MGAM: variants seen among roughly 807,000 people sequenced by gnomAD.
MGAM encodes maltase-glucoamylase.
A neutral mutation model predicts 358.8 loss-of-function variants in MGAM; 253 were observed. That is an observed-to-expected ratio of 0.71 (90% CI 0.64 to 0.78). The LOEUF (loss-of-function observed/expected upper bound fraction) is 0.78, where lower values mean the gene tolerates loss of function less well. Among genes scored for constraint, MGAM ranks in the 30% least tolerant of loss-of-function variants. MGAM has a pLI of 0.00. For synonymous variants in MGAM, 1,105 were observed against 1,227.1 expected, an observed-to-expected ratio of 0.90 and a Z score of 2.08; for missense variants, 3,080 against 3,432.6, an observed-to-expected ratio of 0.90 and a Z score of 2.57.
chr7:142,058,535 C>T (rs1811784023), intron 31 of MGAM, among the ~76,000 whole-genome samples: 2 of 152,254 alleles, frequency 1.3e-5, no homozygotes, highest in African/African-American at 2.4e-5. Context: ...CCCAGCATGA[C>T]TCGCCAGAGT....
chr7:142,011,396 G>A (rs1554454302), intron 3 of MGAM, among the ~76,000 whole-genome samples: 1 of 152,144 alleles, frequency 6.6e-6, no homozygotes, highest in Admixed American at 6.6e-5. Context: ...AAATTACTCT[G>A]TGTTTACACA....
intron 18 of MGAM, among the ~76,000 whole-genome samples, chr7:142,038,008 ATT>A (rs1188493584): frequency 6.6e-6 from 1 of 151,044 alleles, no homozygotes; most frequent in African/African-American, 2.4e-5. Context: ...CTTTCTAACT[ATT>A]TTTTTTTGTA....
At chr7:142,096,031 C>T in intron 64 of MGAM, 1 of 593,676 alleles carries the variant, frequency 1.7e-6, no homozygotes, top group South Asian at 2.2e-5. Context: ...AGAAGGATTT[C>T]AGGAAGAGAT....
At position 142,005,518 on chromosome 7, in the gene MGAM, T is replaced by C; in HGVS notation, c.-2-11T>C. 6.6e-7 allele frequency: 1 copy of C among 1,507,374 alleles called. No individual in the cohort carries two copies. The allele number at this position is 1,507,374 out of a possible 1,614,324, so 93.4% of individuals were successfully genotyped here. A position where few individuals can be genotyped will look rare whatever the true frequency, so the allele number is the denominator to read the frequency against. On this transcript the variant is annotated splice_polypyrimidine_tract_variant and intron_variant, in intron 1 of 70. Coordinates refer to ENST00000475668, the MANE Select transcript of MGAM (RefSeq NM_001365693.1). ...AATTCAAATCTAAAATTGTTTTCTC[T>C]TACATTTTAGAGATGGCAAGAAAGA...
At chr7:142,096,201 C>T in intron 64 of MGAM, 130 bp from the exon 65 acceptor site, 1 of 944,426 alleles carries the variant, frequency 1.1e-6, no homozygotes, top group Non-Finnish European at 1.7e-6. Context: ...GAAGCTAGGC[C>T]TAGGAAAAAG....
Position 142,032,033 on chromosome 7 carries a change from C to CTTT in MGAM, c.1584+259_1584+261dup, listed in dbSNP as rs371378447. Among the ~76,000 whole-genome samples, 614 of 122,298 alleles carry CTTT rather than the reference C, an allele frequency of 5.0e-3. 7 individuals are homozygous for CTTT. Among genetic ancestry groups the CTTT allele is most frequent in the African/African-American group, 0.014 (482 of 34,054 alleles). 80.2% of individuals were successfully genotyped at this position (122,298 alleles called of 152,430 possible). ...AGAATTTTTTTTCCCAAGTCTAGCT[C>CTTT]TTTTTTTTTTTTTTTTTTTTTACGA... On this transcript the variant is annotated intron_variant, in intron 13 of 70. Coordinates refer to ENST00000475668, the MANE Select transcript of MGAM (RefSeq NM_001365693.1).
At position 142,083,760 on chromosome 7, in the gene MGAM, A is replaced by G. The variant is rs1282347396; in HGVS notation, c.6381+347A>G. The stretch of plus-strand genomic sequence containing the variant: ...TGGGAATGGTGATAATGATGGTGGT[A>G]GTAGTAGTGGTGTTGGTGATGGTGA... On this transcript the variant is annotated intron_variant, in intron 53 of 70. Coordinates refer to ENST00000475668, the MANE Select transcript of MGAM (RefSeq NM_001365693.1). Among the ~76,000 whole-genome samples, 6 of 124,942 alleles carry G rather than the reference A, an allele frequency of 4.8e-5. 1 individual carries two copies. The highest frequency in any genetic ancestry group is 7.4e-5 in the Admixed American group (1 of 13,470). 82.0% of individuals were successfully genotyped at this position (124,942 alleles called of 152,430 possible).
chr7:142,038,408 A>G, intron 18 of MGAM, 123 bp from the exon 19 acceptor site: 1 of 689,292 alleles, frequency 1.5e-6, no homozygotes, highest in Non-Finnish European at 2.5e-6. Context: ...GTCACAGAAT[A>G]ATTTGGGGGG....
At chr7:142,076,136 G>A in intron 45 of MGAM, 67 bp from the exon 46 acceptor site, 5 of 1,198,480 alleles carry the variant, frequency 4.2e-6, no homozygotes, top group Non-Finnish European at 6.2e-6. Flanking sequence ...GAAAAGAGTG[G>A]GAGTGTGAAA....
At chr7:142,065,059 A>G (rs1351954664) in intron 37 of MGAM, among the ~76,000 whole-genome samples, 2 of 152,178 alleles carry the variant, frequency 1.3e-5, no homozygotes, top group African/African-American at 4.8e-5. Flanking sequence ...CTAAGTATTG[A>G]GGAAACCATT....
chr7:142,052,588 A>G, intron 25 of MGAM, 142 bp downstream of exon 25: 1 of 1,320,096 alleles, frequency 7.6e-7, no homozygotes. Context: ...TGTGACAAGT[A>G]GGTGGGGACA....
At chr7:142,064,271 G>A (rs1222791085) in intron 36 of MGAM, 113 bp from the exon 37 acceptor site, 43 of 1,465,002 alleles carry the variant, frequency 2.9e-5, no homozygotes, top group African/African-American at 4.2e-5. Context: ...GATGGAGAGC[G>A]ACACAGGCAG....
Position 142,052,961 on chromosome 7 carries a change from A to G in MGAM, c.3136A>G (p.Lys1046Glu). 6.2e-7 allele frequency: 1 copy of G among 1,613,852 alleles called. No individual in the cohort carries two copies. The highest frequency in any genetic ancestry group is 8.5e-7 in the Non-Finnish European group (1 of 1,179,826). The change falls in exon 26 of 71, where the codon AAG (lysine) becomes GAG (glutamate). Residue 1046 changes from lysine (K) to glutamate (E), a missense_variant. By Grantham distance (56) the Lys-to-Glu change is moderately conservative (BLOSUM62 1). Transcript: ENST00000475668. ...NPLRLDVTYHKNEMLQFKIYD... is the reference protein window; with the variant it reads ...NPLRLDVTYHENEMLQFKIYD... ...CCTTCGCCTGGATGTCACTTACCAT[A>G]AGAATGAAATGCTGCAGTTCAAGGT...
intron 38 of MGAM, 46 bp from the exon 39 acceptor site, chr7:142,065,542 C>G (rs1267781100): frequency 6.2e-7 from 1 of 1,613,844 alleles, no homozygotes; most frequent in East Asian, 2.2e-5. Context: ...GGTGAGGAGG[C>G]AGATCATGAG....
chr7:142,102,840 C>T (rs1268440338), intron 69 of MGAM, among the ~76,000 whole-genome samples, 161 bp downstream of exon 69: 1 of 152,172 alleles, frequency 6.6e-6, no homozygotes, highest in Non-Finnish European at 1.5e-5. Context: ...TTACTATGCT[C>T]CCAGGAGGCT....
chr7:142,078,420 G>A lies in MGAM; in HGVS notation c.5596G>A (p.Glu1866Lys), dbSNP rs1246467022. The A allele has an allele frequency of 2.6e-6, 4 of 1,542,344 alleles. No individual in the cohort carries two copies. The highest frequency in any genetic ancestry group is 3.6e-6 in the Non-Finnish European group (4 of 1,125,076). The change falls in exon 48 of 71, where the codon GAG (glutamate) becomes AAG (lysine). Residue 1866 changes from glutamate to lysine, a missense_variant. Transcript: ENST00000475668. ...DEEKIDCYPD[E>K]NGDSAENCTA... ...AGAAAAAATAGACTGTTACCCTGAT[G>A]AGAATGGTGATTCTGCAGAAAACTG...
In MGAM at chr7:142,044,431, GAT is replaced by G. The variant is rs1287017654; in HGVS notation, c.2499-3346_2499-3345del. ...TATAATGAATATTATATACACATAC[GAT>G]ATATATAATGAATATTATATACACA... On this transcript the variant is annotated intron_variant, in intron 21 of 70. Transcript: ENST00000475668. Among the ~76,000 whole-genome samples, 3 of 127,744 alleles carry G rather than the reference GAT, an allele frequency of 2.3e-5. 1 individual carries two copies. Among genetic ancestry groups the G allele is most frequent in the Non-Finnish European group, 4.8e-5 (3 of 62,416 alleles). The allele number at this position is 127,744 out of a possible 152,430, so 83.8% of individuals were successfully genotyped here.
chr7:142,050,347 G>A (rs1192057717), intron 23 of MGAM, 63 bp downstream of exon 23: 70 of 1,530,058 alleles, frequency 4.6e-5, no homozygotes, highest in Non-Finnish European at 6.2e-5. Flanking sequence ...GCACATCTGT[G>A]CTTGTGTATA....
chr7:142,050,517 G>T (rs753097068), intron 23 of MGAM, among the ~76,000 whole-genome samples, 180 bp from the exon 24 acceptor site: 1 of 152,074 alleles, frequency 6.6e-6, no homozygotes, highest in African/African-American at 2.4e-5. Context: ...TTTTATGATC[G>T]TTTTAAATTA....
Sources: gnomAD v4.1 joint callset for allele counts (sites outside exome capture counted in the v4.1 genomes callset) on GRCh38, gnomAD v4.1.1 for gene constraint, MANE v1.5 for transcripts, NCBI Gene and HGNC (gene_info 2026-07-23, HGNC 2026-07-21) for gene names.